PLPPR5: variants seen among roughly 807,000 people sequenced by gnomAD.
PLPPR5 encodes phospholipid phosphatase-related protein type 5.
A neutral mutation model predicts 33.9 loss-of-function variants in PLPPR5; 16 were observed. The observed-to-expected ratio is 0.47, with a 90% CI of 0.32 to 0.72. The LOEUF (loss-of-function observed/expected upper bound fraction) is 0.72, where lower values mean the gene tolerates loss of function less well. Among genes scored for constraint, PLPPR5 ranks in the 30% least tolerant of loss-of-function variants. PLPPR5 has a pLI of 0.03. For synonymous variants in PLPPR5, 163 were observed against 150.3 expected, an observed-to-expected ratio of 1.08 and a Z score of -0.62; for missense variants, 301 against 406.7, an observed-to-expected ratio of 0.74 and a Z score of 2.23.
At chr1:98,937,744 T>G (rs188521844) in intron 3 of PLPPR5, among the ~76,000 whole-genome samples, 5 of 152,350 alleles carry the variant, frequency 3.3e-5, no homozygotes, top group African/African-American at 1.2e-4. Context: ...GATAGCCACA[T>G]TTTGCCTTTT....
chr1:98,901,059 T>C (rs1428153759), intron 5 of PLPPR5, among the ~76,000 whole-genome samples: 2 of 152,152 alleles, frequency 1.3e-5, no homozygotes. Flanking sequence ...TATTCATAAT[T>C]GCCAAAAAAT....
intron 1 of PLPPR5, among the ~76,000 whole-genome samples, chr1:98,966,990 T>A (rs1303263235): frequency 6.6e-6 from 1 of 152,094 alleles, no homozygotes; most frequent in Non-Finnish European, 1.5e-5. Context: ...CCATCTGTGT[T>A]TCAACAAGTT....
At chr1:98,989,537 AGAG>A (rs1163538753) in intron 1 of PLPPR5, among the ~76,000 whole-genome samples, 3 of 152,282 alleles carry the variant, frequency 2.0e-5, no homozygotes, top group East Asian at 3.9e-4. Context: ...TGTGATCAAA[AGAG>A]GAGAACTGTT....
At chr1:98,911,989 G>T (rs180782467) in intron 5 of PLPPR5, among the ~76,000 whole-genome samples, 1 of 152,048 alleles carries the variant, frequency 6.6e-6, no homozygotes, top group South Asian at 2.1e-4. Context: ...GGGTGGTCTC[G>T]AAATCCTGAC....
At chr1:98,914,994 A>G (rs1456304180) in intron 4 of PLPPR5, 74 bp from the exon 5 acceptor site, 5 of 1,411,694 alleles carry the variant, frequency 3.5e-6, no homozygotes, top group Non-Finnish European at 4.8e-6. Context: ...GAGGAGCTTA[A>G]TAAAGCTAAG....
intron 1 of PLPPR5, among the ~76,000 whole-genome samples, chr1:98,970,327 G>A (rs1651613576): frequency 6.6e-6 from 1 of 151,960 alleles, no homozygotes; most frequent in Middle Eastern, 3.2e-3. Context: ...GATAAATGCA[G>A]CTTTCCAGCT....
In PLPPR5 at chr1:98,977,717, A is replaced by G. The variant is rs1005914206; in HGVS notation, c.238-20976T>C. Among the ~76,000 whole-genome samples, 6 of 151,548 alleles carry G rather than the reference A, an allele frequency of 4.0e-5. 1 individual carries two copies. The South Asian group carries it at 1.0e-3, about 26-fold the overall frequency. ...TGTTTTTATTCAGGTTAATTTCTCT[A>G]TACATGGTGAACCTAACATTTGCTT... On this transcript the variant is annotated intron_variant, in intron 1 of 5. Transcript: ENST00000263177.
intron 1 of PLPPR5, among the ~76,000 whole-genome samples, chr1:98,987,075 A>G (rs539838941): frequency 6.6e-6 from 1 of 151,970 alleles, no homozygotes; most frequent in African/African-American, 2.4e-5. Flanking sequence ...TAAATAAATG[A>G]CTATTACTTT....
chr1:98,896,570 T>C (rs1487804627), intron 5 of PLPPR5, among the ~76,000 whole-genome samples: 3 of 152,040 alleles, frequency 2.0e-5, no homozygotes, highest in African/African-American at 4.8e-5. Flanking sequence ...CCCCAAATAG[T>C]TGTAGATTAG....
rs1553167284 is a variant in PLPPR5, at chr1:98,922,072, T to TTA, written c.622-15_622-14insTA. ...GGTGATGTACATCTGAAACATTCAA[T>TTA]AAAAAAAATGACTTTTCATGAAGGT... On this transcript the variant is annotated splice_polypyrimidine_tract_variant and intron_variant, in intron 3 of 5. Coordinates refer to ENST00000263177, the MANE Select transcript of PLPPR5 (RefSeq NM_001037317.2). 5.2e-5 allele frequency: 81 copies of TTA among 1,554,902 alleles called. No individual in the cohort carries two copies. The highest frequency in any genetic ancestry group is 1.7e-4 in the Middle Eastern group (1 of 5,950).
At chr1:99,004,878 C>T (rs1653020046), upstream of PLPPR5, 1 of 225,172 alleles carries the variant, frequency 4.4e-6, no homozygotes, top group African/African-American at 2.3e-5. Flanking sequence ...GAGGCGGCTA[C>T]CCCCGGACGA....
intron 5 of PLPPR5, among the ~76,000 whole-genome samples, chr1:98,899,624 G>T (rs1272540701): frequency 6.7e-6 from 1 of 150,182 alleles, no homozygotes; most frequent in Non-Finnish European, 1.5e-5. Context: ...AAAGTGTTAA[G>T]AAGACCTTCA....
At chr1:98,986,459 G>C (rs973023736) in intron 1 of PLPPR5, among the ~76,000 whole-genome samples, 1 of 151,762 alleles carries the variant, frequency 6.6e-6, no homozygotes, top group African/African-American at 2.4e-5. Flanking sequence ...ACTAAAAGTA[G>C]AAATAATAAG....
chr1:98,969,834 T>G (rs1651598454), intron 1 of PLPPR5, among the ~76,000 whole-genome samples: 1 of 152,034 alleles, frequency 6.6e-6, no homozygotes, highest in Admixed American at 6.6e-5. Flanking sequence ...TGTACAGTGG[T>G]CACCTGTAAG....
chr1:99,004,531 G>A lies in PLPPR5; in HGVS notation c.141C>T (p.Asp47=), dbSNP rs985872924. The part of the protein sequence containing the change: ...TVNVQGFFCH[D]SAYRKPYPGP... The stretch of plus-strand genomic sequence containing the variant: ...CCGGGTAGGGTTTGCGGTAGGCGCT[G>A]TCGTGGCAGAAGAAGCCCTGCACGT... Residue 47 remains aspartate (D), a synonymous_variant, in exon 1 of 6, where the codon GAC becomes GAT. Transcript: ENST00000263177. 15 of 1,613,202 alleles carry A rather than the reference G, an allele frequency of 9.3e-6. No individual in the cohort carries two copies. Among genetic ancestry groups the A allele is most frequent in the African/African-American group, 1.3e-5 (1 of 75,040 alleles).
chr1:98,903,381 T>G (rs1648773777), intron 5 of PLPPR5, among the ~76,000 whole-genome samples: 1 of 152,144 alleles, frequency 6.6e-6, no homozygotes, highest in African/African-American at 2.4e-5. Flanking sequence ...AACTGAATCT[T>G]AAATAGATTG....
Position 98,974,852 on chromosome 1 carries a change from C to A in PLPPR5, c.238-18111G>T, listed in dbSNP as rs1158123755. ...CCTGAGTTTTCGCTTTGATCACTTA[C>A]TTTGCACCTCAGTTGCTCTAAGGCT... is the stretch of plus-strand genomic sequence containing the variant. On this transcript the variant is annotated intron_variant, in intron 1 of 5. Transcript: ENST00000263177. Among the ~76,000 whole-genome samples the A allele has an allele frequency of 3.9e-5, 6 of 152,168 alleles. No homozygotes were observed. In the East Asian group the frequency reaches 1.2e-3, roughly 30 times the overall value.
At chr1:98,961,419 G>A (rs1037830974) in intron 1 of PLPPR5, among the ~76,000 whole-genome samples, 8 of 152,158 alleles carry the variant, frequency 5.3e-5, no homozygotes, top group Non-Finnish European at 1.0e-4. Context: ...AGTAGATTGA[G>A]TTTGCCTTGA....
rs568390453 is a variant in PLPPR5, at chr1:98,994,292, C to G, written c.237+10143G>C. On this transcript the variant is annotated intron_variant, in intron 1 of 5. Transcript: ENST00000263177. ...AGAATGGAAGCAGAAAAAGTTCCCT[C>G]CTTTACTCTCCTCTTTTTGTACTTC... 2.0e-5 allele frequency among the ~76,000 whole-genome samples: 3 copies of G among 152,058 alleles called. No homozygotes were observed. In the East Asian group the frequency reaches 5.8e-4, roughly 29 times the overall value.
Sources: allele counts gnomAD v4.1 joint callset (sites outside exome capture counted in the v4.1 genomes callset), GRCh38; gene constraint gnomAD v4.1.1; transcripts MANE v1.5; gene names NCBI Gene and HGNC (gene_info 2026-07-23, HGNC 2026-07-21).